The following UBFD1 variants were observed in gnomAD, a reference collection of about 807,000 sequenced individuals.
The protein encoded by UBFD1 is ubiquitin domain-containing protein UBFD1.
In UBFD1, 12 loss-of-function variants were observed where a neutral mutation model predicts 35.1. The ratio of observed to expected loss-of-function variants is 0.34; its 90% CI spans 0.22 to 0.55. The LOEUF (loss-of-function observed/expected upper bound fraction) is 0.55. UBFD1 is among the 20% of genes least tolerant of loss of function. The pLI, the probability that UBFD1 is intolerant of heterozygous loss-of-function variation, is 0.89. For missense variants in UBFD1, 337 were observed against 410.8 expected (o/e 0.82, Z 1.55); for synonymous variants, 178 against 167.6 (o/e 1.06, Z -0.48).
In UBFD1 at chr16:23,559,689, T is replaced by A. The variant is rs1965900613; in HGVS notation, c.564+13T>A. The A allele has an allele frequency of 6.2e-7, 1 of 1,614,152 alleles. No homozygotes were observed. Among genetic ancestry groups the A allele is most frequent in the East Asian group, 2.2e-5 (1 of 44,890 alleles). ...CTGCAGGCAGAAAGTGAGTCCATCT[T>A]GTGCTTCTTGGTCTTGAGAAATTTG... On this transcript the variant is annotated intron_variant, in intron 3 of 6. Coordinates refer to ENST00000395878, the MANE Select transcript of UBFD1 (RefSeq NM_019116.3).
intron 5 of UBFD1, 126 bp from the exon 6 acceptor site, chr16:23,566,861 C>T: frequency 2.4e-6 from 2 of 844,640 alleles, no homozygotes; most frequent in Non-Finnish European, 3.9e-6. Context: ...CCCCAGAGGG[C>T]ATGGCGCCAG....
chr16:23,570,728 A>G lies in UBFD1; in HGVS notation c.*138A>G, dbSNP rs1199750980. On this transcript the variant is annotated 3_prime_UTR_variant, in exon 7 of 7. Transcript: ENST00000395878. ...ATATTCAATCTGAGGTGATGTGGTG[A>G]CTGAAGCCAGAGGTGATGTACTTTC... 1.6e-6 allele frequency: 1 copy of G among 637,532 alleles called. No homozygotes were observed. The highest frequency in any genetic ancestry group is 2.6e-6 in the Non-Finnish European group (1 of 379,266). 39.5% of individuals were successfully genotyped at this position (637,532 alleles called of 1,614,324 possible). A position where few individuals can be genotyped will look rare whatever the true frequency, so the allele number is the denominator to read the frequency against.
At chr16:23,565,877 G>A (rs1426596243) in intron 5 of UBFD1, 1 of 112,676 alleles carries the variant, frequency 8.9e-6, no homozygotes, top group Non-Finnish European at 1.6e-5. Flanking sequence ...CCCCGTCCCT[G>A]AGGTGTCTGC....
intron 3 of UBFD1, 188 bp from the exon 4 acceptor site, chr16:23,562,018 C>T (rs1567399127): frequency 1.7e-6 from 1 of 572,256 alleles, no homozygotes; most frequent in Non-Finnish European, 3.1e-6. Context: ...CAGGTACGAA[C>T]ATATTCGCCC....
Position 23,570,710 on chromosome 16 carries a change from A to G in UBFD1, c.*120A>G, listed in dbSNP as rs1434492911. ...TTTGTTCATAAAAAATCTATATTCA[A>G]TCTGAGGTGATGTGGTGACTGAAGC... On this transcript the variant is annotated 3_prime_UTR_variant, in exon 7 of 7. Transcript: ENST00000395878. The G allele has an allele frequency of 3.7e-5, 28 of 749,668 alleles. No homozygotes were observed. The South Asian group carries it at 5.0e-4, about 13-fold the overall frequency. 46.4% of individuals were successfully genotyped at this position (749,668 alleles called of 1,614,324 possible). A position where few individuals can be genotyped will look rare whatever the true frequency, so the allele number is the denominator to read the frequency against.
intron 5 of UBFD1, 170 bp from the exon 6 acceptor site, chr16:23,566,817 T>A: frequency 1.6e-6 from 1 of 615,578 alleles, no homozygotes; most frequent in South Asian, 2.1e-5. Context: ...CACGAAGCCC[T>A]ATGTGCACTG....
chr16:23,567,514 A>G (rs952743493), intron 6 of UBFD1, among the ~76,000 whole-genome samples: 11 of 152,354 alleles, frequency 7.2e-5, no homozygotes, highest in African/African-American at 2.6e-4. Flanking sequence ...CCGCTCTTCC[A>G]GGCCCAGTGG....
At position 23,561,426 on chromosome 16, in the gene UBFD1, A is replaced by G. The variant is rs76276261; in HGVS notation, c.565-780A>G. On this transcript the variant is annotated intron_variant, in intron 3 of 6. Transcript: ENST00000395878. The stretch of plus-strand genomic sequence containing the variant: ...CACAGATGGAGAAGAAAGAAGACTC[A>G]GGCATTTGGGCCAGGCAGGAGAACT... Among the ~76,000 whole-genome samples, 56 of 152,362 alleles carry G rather than the reference A, an allele frequency of 3.7e-4. 2 individuals carry two copies. In the East Asian group the frequency reaches 0.01, roughly 28 times the overall value.
At chr16:23,558,309 T>C in intron 2 of UBFD1, 30 bp downstream of exon 2, 1 of 1,592,548 alleles carries the variant, frequency 6.3e-7, no homozygotes, top group Non-Finnish European at 8.5e-7. Context: ...CAGCCAGTCT[T>C]CCCCACCCCG....
intron 5 of UBFD1, chr16:23,563,949 A>G (rs1965975313): frequency 6.6e-6 from 1 of 152,204 alleles, no homozygotes; most frequent in African/African-American, 2.4e-5. Flanking sequence ...CCCACCCTCC[A>G]AATGACTTGC....
chr16:23,570,382 TTTAA>T, intron 6 of UBFD1, 94 bp from the exon 7 acceptor site: 1 of 876,158 alleles, frequency 1.1e-6, no homozygotes, highest in Non-Finnish European at 1.8e-6. Flanking sequence ...TTCTTCCCTT[TTTAA>T]TTAACTCACA....
intron 6 of UBFD1, among the ~76,000 whole-genome samples, chr16:23,567,536 G>A (rs1214332670): frequency 5.9e-5 from 9 of 152,226 alleles, no homozygotes; most frequent in African/African-American, 9.6e-5. Flanking sequence ...TGAGGGCCTC[G>A]TGGGGAAGAC....
chr16:23,568,756 A>C (rs993697796), intron 6 of UBFD1: 7 of 151,870 alleles, frequency 4.6e-5, no homozygotes, highest in African/African-American at 1.5e-4. Flanking sequence ...TGAACCTGGG[A>C]GGCGAAGGTT....
At chr16:23,562,152 AAC>A (rs1965944795) in intron 3 of UBFD1, 52 bp from the exon 4 acceptor site, 2 of 1,526,598 alleles carry the variant, frequency 1.3e-6, no homozygotes, top group Admixed American at 3.6e-5. Flanking sequence ...AGGGAATAGT[AAC>A]ACGACGAAAT....
rs985231669 is a variant in UBFD1, at chr16:23,558,782, T to A, written c.355+503T>A. ...CATCTGAGATTTCTTTTCTTTTTCC[T>A]ATTTTTTTTTTTTTTTGAGACGGAG... On this transcript the variant is annotated intron_variant, in intron 2 of 6. Transcript: ENST00000395878. Among the ~76,000 whole-genome samples the A allele has an allele frequency of 4.9e-5, 7 of 142,750 alleles. No individual in the cohort carries two copies. In the South Asian group the frequency reaches 1.6e-3, roughly 33 times the overall value. The allele number at this position is 142,750 out of a possible 152,430, so 93.6% of individuals were successfully genotyped here. A position where few individuals can be genotyped will look rare whatever the true frequency, so the allele number is the denominator to read the frequency against.
intron 3 of UBFD1, 109 bp downstream of exon 3, chr16:23,559,785 T>C (rs763503182): frequency 5.5e-5 from 85 of 1,555,356 alleles, no homozygotes; most frequent in Middle Eastern, 3.6e-4. Flanking sequence ...ACAGGGCCCA[T>C]GATGGAAATT....
Position 23,570,637 on chromosome 16 carries a change from A to G in UBFD1, c.*47A>G, listed in dbSNP as rs745861501. The G allele has an allele frequency of 7.9e-6, 12 of 1,512,484 alleles. No homozygotes were observed. Among genetic ancestry groups the G allele is most frequent in the African/African-American group, 2.7e-5 (2 of 72,810 alleles). The allele number at this position is 1,512,484 out of a possible 1,614,324, so 93.7% of individuals were successfully genotyped here. The stretch of plus-strand genomic sequence containing the variant: ...AGGAGACTGACCCAAAGTGAAGGAC[A>G]TTGCCGGGAGAGGCCTGCAGCATCC... On this transcript the variant is annotated 3_prime_UTR_variant, in exon 7 of 7. Coordinates refer to ENST00000395878, the MANE Select transcript of UBFD1 (RefSeq NM_019116.3).
rs1029890882 is a variant in UBFD1 at position 23,571,955 on chromosome 16, T to C, written c.*1365T>C. 1.3e-5 allele frequency: 2 copies of C among 152,680 alleles called. No homozygotes were observed. The highest frequency in any genetic ancestry group is 2.9e-5 in the Non-Finnish European group (2 of 68,052). 9.5% of individuals were successfully genotyped at this position (152,680 alleles called of 1,614,324 possible). A position where few individuals can be genotyped will look rare whatever the true frequency, so the allele number is the denominator to read the frequency against. On this transcript the variant is annotated 3_prime_UTR_variant, in exon 7 of 7. Transcript: ENST00000395878. ...TCTGCTGCCGTCTTTGCAGTTCTCC[T>C]CTCACTGGTTGCAGGCTTTCATAGT...
intron 6 of UBFD1, among the ~76,000 whole-genome samples, chr16:23,567,382 T>C (rs144463077): frequency 6.6e-6 from 1 of 152,342 alleles, no homozygotes; most frequent in East Asian, 1.9e-4. Context: ...AAAATAAATA[T>C]AAAGAGGAGG....
Sources: allele counts gnomAD v4.1 joint callset (sites outside exome capture counted in the v4.1 genomes callset), GRCh38; gene constraint gnomAD v4.1.1; transcripts MANE v1.5; gene names NCBI Gene and HGNC (gene_info 2026-07-23, HGNC 2026-07-21).